The following AHRR variants were observed in gnomAD, a reference collection of about 807,000 sequenced individuals.
The protein encoded by AHRR is aryl hydrocarbon receptor repressor, also known as ahR repressor.
In AHRR, 28 loss-of-function variants were observed where a neutral mutation model predicts 44.0. That is an observed-to-expected ratio of 0.64 (90% CI 0.47 to 0.87). The LOEUF is 0.87. AHRR is among the 40% of genes least tolerant of loss of function. The probability of loss-of-function intolerance (pLI) is 0.00; values close to 1 mark genes in which losing one functional copy is unlikely to be tolerated. For missense variants in AHRR, 990 were observed against 953.9 expected, an observed-to-expected ratio of 1.04 and a Z score of -0.50; for synonymous variants, 434 against 407.0, an observed-to-expected ratio of 1.07 and a Z score of -0.80.
intron 2 of AHRR, among the ~76,000 whole-genome samples, chr5:345,439 T>G (rs1742621547): frequency 8.7e-6 from 1 of 115,480 alleles, no homozygotes; most frequent in Non-Finnish European, 1.7e-5. Context: ...TGTGCGTGTG[T>G]GGGTGTGTGT....
intron 4 of AHRR, among the ~76,000 whole-genome samples, chr5:396,133 C>G (rs1232210025): frequency 6.6e-6 from 1 of 152,186 alleles, no homozygotes; most frequent in Non-Finnish European, 1.5e-5. Flanking sequence ...GTCCCAGCCC[C>G]CATGACAAGG....
chr5:423,902 C>G lies in AHRR; in HGVS notation c.633C>G (p.Thr211=). Residue 211 remains threonine, a synonymous_variant, in exon 7 of 11, where the codon ACC becomes ACG. Coordinates refer to ENST00000684583, the MANE Select transcript of AHRR (RefSeq NM_001377236.1). The part of the protein sequence containing the change: ...RAQEWGTGTP[T]EYSAFLTRCF... ...AGGAGTGGGGCACAGGCACGCCCAC[C>G]GAGTACTCGGCCTTCCTGACCCGCT... The G allele has an allele frequency of 6.2e-7, 1 of 1,604,528 alleles. No homozygotes were observed. Among genetic ancestry groups the G allele is most frequent in the Non-Finnish European group, 8.5e-7 (1 of 1,179,932 alleles).
chr5:410,441 G>A (rs1735426886), intron 4 of AHRR, among the ~76,000 whole-genome samples: 1 of 152,090 alleles, frequency 6.6e-6, no homozygotes, highest in African/African-American at 2.4e-5. Context: ...TGAACTGCTG[G>A]GCTCAAGCAA....
At chr5:327,073 C>G (rs371847299) in intron 1 of AHRR, among the ~76,000 whole-genome samples, 14 of 152,148 alleles carry the variant, frequency 9.2e-5, no homozygotes, top group African/African-American at 2.9e-4. Context: ...ACAACGGCAA[C>G]AGCAACAAGA....
intron 10 of AHRR, 101 bp downstream of exon 10, chr5:433,048 AGAC>A (rs1259863188): frequency 8.8e-6 from 12 of 1,359,280 alleles, no homozygotes; most frequent in African/African-American, 3.0e-5. Context: ...AAAATAAAAA[AGAC>A]GACAGCAGCC....
At chr5:428,108 G>A (rs917934395) in intron 8 of AHRR, 102 bp downstream of exon 8, 1 of 1,330,440 alleles carries the variant, frequency 7.5e-7, no homozygotes, top group African/African-American at 1.5e-5. Flanking sequence ...TTCATTTCCA[G>A]CCAGTAATAA....
chr5:414,436 G>A (rs1297437624), intron 5 of AHRR, among the ~76,000 whole-genome samples: 4 of 152,074 alleles, frequency 2.6e-5, no homozygotes, highest in East Asian at 1.9e-4. Context: ...GAAATCAGGC[G>A]TACTGCAGAC....
intron 3 of AHRR, among the ~76,000 whole-genome samples, chr5:361,801 G>A (rs887290309): frequency 5.3e-5 from 8 of 152,200 alleles, no homozygotes; most frequent in African/African-American, 1.9e-4. Flanking sequence ...TGGCTGGAGA[G>A]CAGGTCTGCT....
intron 10 of AHRR, 152 bp from the exon 11 acceptor site, chr5:433,701 T>G (rs1439482134): frequency 4.3e-6 from 4 of 922,840 alleles, no homozygotes; most frequent in Non-Finnish European, 4.4e-6. Flanking sequence ...CTGGGGGGGT[T>G]AGAAGGCACA....
intron 5 of AHRR, among the ~76,000 whole-genome samples, chr5:418,194 C>G (rs956106234): frequency 6.6e-6 from 1 of 152,158 alleles, no homozygotes; most frequent in Non-Finnish European, 1.5e-5. Flanking sequence ...TAGTGTAAAA[C>G]TAAAGTAAAG....
At chr5:429,858 C>A (rs1488152081) in intron 8 of AHRR, among the ~76,000 whole-genome samples, 1 of 152,232 alleles carries the variant, frequency 6.6e-6, no homozygotes, top group African/African-American at 2.4e-5. Context: ...AGAGCAGATT[C>A]TTCGTGGTGT....
Position 415,474 on chromosome 5 carries a change from CGGG to C in AHRR, c.441+2042_441+2044del. 4.6e-5 allele frequency among the ~76,000 whole-genome samples: 2 copies of C among 43,100 alleles called. 1 individual carries two copies. Among genetic ancestry groups the C allele is most frequent in the African/African-American group, 3.2e-4 (2 of 6,330 alleles). The allele number at this position is 43,100 out of a possible 152,430, so 28.3% of individuals were successfully genotyped here. ...GGCCTAGGGGCCGAGTCTGCCTGGT[CGGG>C]TGGGAGGCCTAGGGGCCGAGTCTCC... On this transcript the variant is annotated intron_variant, in intron 5 of 10. Transcript: ENST00000684583.
Position 415,683 on chromosome 5 carries a change from G to A in AHRR, c.441+2250G>A, listed in dbSNP as rs920373309. Among the ~76,000 whole-genome samples, 14 of 151,502 alleles carry A rather than the reference G, an allele frequency of 9.2e-5. No homozygotes were observed. In the South Asian group the frequency reaches 1.2e-3, roughly 14 times the overall value. ...AGGGGCCGAATCTGCCTGGTCGGGC[G>A]GGAGGCCTAGGGGCGGAGTCTGCCT... is the stretch of plus-strand genomic sequence containing the variant. On this transcript the variant is annotated intron_variant, in intron 5 of 10. Transcript: ENST00000684583.
intron 3 of AHRR, among the ~76,000 whole-genome samples, chr5:372,632 G>A (rs1743618295): frequency 6.6e-6 from 1 of 152,146 alleles, no homozygotes; most frequent in African/African-American, 2.4e-5. Context: ...AGTGGCAGGG[G>A]TGCGTGATCT....
In AHRR at chr5:438,003, T is replaced by C. The variant is rs1737168423; in HGVS notation, c.*3169T>C. On this transcript the variant is annotated 3_prime_UTR_variant, in exon 11 of 11. Transcript: ENST00000684583. The stretch of plus-strand genomic sequence containing the variant: ...TTTTTCTGTGTATGTAGCTTTTCCC[T>C]ATATAGCTGAAAAAGTATTAAAGTC... 1 of 152,360 alleles carries C rather than the reference T, an allele frequency of 6.6e-6. No homozygotes were observed. The highest frequency in any genetic ancestry group is 2.4e-5 in the African/African-American group (1 of 41,444). The allele number at this position is 152,360 out of a possible 1,614,324, so 9.4% of individuals were successfully genotyped here.
At chr5:426,901 A>G (rs956669148) in intron 7 of AHRR, among the ~76,000 whole-genome samples, 3 of 148,628 alleles carry the variant, frequency 2.0e-5, no homozygotes, top group African/African-American at 7.4e-5. Context: ...GGCTGGGTAG[A>G]TGAATGTATG....
Position 337,592 on chromosome 5 carries a change from G to A in AHRR, c.-10-6301G>A, listed in dbSNP as rs1381005846. Among the ~76,000 whole-genome samples, 1 of 152,098 alleles carries A rather than the reference G, an allele frequency of 6.6e-6. No homozygotes were observed. The highest frequency in any genetic ancestry group is 1.5e-5 in the Non-Finnish European group (1 of 68,016). ...AGAGATGAGGTCTCACTGTGTTGGC[G>A]TTTTATATTTTAAATTTTTTTTTAT... On this transcript the variant is annotated intron_variant, in intron 1 of 10. Coordinates refer to ENST00000684583, the MANE Select transcript of AHRR (RefSeq NM_001377236.1). The surrounding 1 kb of genome is among the most constrained non-coding windows in gnomAD (Gnocchi z 4.1).
At chr5:367,947 G>T in intron 3 of AHRR, 2 of 702,598 alleles carry the variant, frequency 2.8e-6, no homozygotes, top group Non-Finnish European at 5.2e-6. Flanking sequence ...TGTTGATGGT[G>T]AATATTGCAG....
intron 3 of AHRR, among the ~76,000 whole-genome samples, chr5:373,875 G>A (rs1411825373): frequency 6.6e-6 from 1 of 150,852 alleles, no homozygotes; most frequent in East Asian, 1.9e-4. Context: ...CTGCTCGCAC[G>A]CGAGGCCTGG....
Sources: gnomAD v4.1 joint callset for allele counts (sites outside exome capture counted in the v4.1 genomes callset) on GRCh38, gnomAD v4.1.1 for gene constraint, Gnocchi (gnomAD v3.1) non-coding constraint, MANE v1.5 for transcripts, NCBI Gene and HGNC (gene_info 2026-07-23, HGNC 2026-07-21) for gene names.